The following AASDH variants were observed in gnomAD, a reference collection of about 807,000 sequenced individuals.
AASDH encodes the protein beta-alanine-activating enzyme.
AASDH carries 81 observed loss-of-function variants against 102.3 expected under a neutral mutation model. The ratio of observed to expected loss-of-function variants is 0.79; its 90% confidence interval spans 0.66 to 0.95. AASDH has a LOEUF of 0.95. Among genes scored for constraint, AASDH ranks in the 40% least tolerant of loss-of-function variants. AASDH has a pLI of 0.00. For missense variants in AASDH, 1,203 were observed against 1,266.2 expected (o/e 0.95, Z 0.76); for synonymous variants, 398 against 454.0 (o/e 0.88, Z 1.57).
At chr4:56,342,443 A>G (rs1747814860) in intron 14 of AASDH, among the ~76,000 whole-genome samples, 1 of 152,176 alleles carries the variant, frequency 6.6e-6, no homozygotes, top group Non-Finnish European at 1.5e-5. Context: ...ATCAATTAAA[A>G]GAATCCAGGG....
At chr4:56,356,811 T>A (rs370894986) in intron 5 of AASDH, 3 of 767,988 alleles carry the variant, frequency 3.9e-6, no homozygotes, top group East Asian at 5.1e-5. Flanking sequence ...CCAATTACAA[T>A]GACAGATACG....
Position 56,341,389 on chromosome 4 carries a change from C to CTTTTTT in AASDH, c.2907+1440_2907+1445dup, listed in dbSNP as rs575687659. The stretch of plus-strand genomic sequence containing the variant: ...CATGGATGGAACTGGAGACTTTTAT[C>CTTTTTT]TTTTTTTTTTTTTTTTTTTTTGGAG... On this transcript the variant is annotated intron_variant, in intron 14 of 14. Transcript: ENST00000205214. 2.6e-4 allele frequency among the ~76,000 whole-genome samples: 24 copies of CTTTTTT among 92,416 alleles called. 1 individual carries two copies. Among genetic ancestry groups the CTTTTTT allele is most frequent in the Non-Finnish European group, 4.0e-4 (20 of 49,570 alleles). The allele number at this position is 92,416 out of a possible 152,430, so 60.6% of individuals were successfully genotyped here. A position where few individuals can be genotyped will look rare whatever the true frequency, so the allele number is the denominator to read the frequency against.
intron 5 of AASDH, among the ~76,000 whole-genome samples, chr4:56,362,804 C>A (rs957397066): frequency 6.6e-6 from 1 of 152,120 alleles, no homozygotes; most frequent in African/African-American, 2.4e-5. Context: ...CAGCTCCCAG[C>A]GTGAGCGACG....
At chr4:56,359,010 T>C (rs1218759963) in intron 5 of AASDH, among the ~76,000 whole-genome samples, 3 of 152,224 alleles carry the variant, frequency 2.0e-5, no homozygotes, top group Non-Finnish European at 4.4e-5. Context: ...TGTATAACTG[T>C]TACATCTTAT....
At chr4:56,364,892 C>T (rs1161597276) in intron 5 of AASDH, among the ~76,000 whole-genome samples, 1 of 152,110 alleles carries the variant, frequency 6.6e-6, no homozygotes, top group Admixed American at 6.5e-5. Flanking sequence ...TGTAAATGGG[C>T]TAAATGCTCC....
At chr4:56,364,059 T>C (rs189357073) in intron 5 of AASDH, among the ~76,000 whole-genome samples, 2 of 152,130 alleles carry the variant, frequency 1.3e-5, no homozygotes, top group East Asian at 3.9e-4. Flanking sequence ...GCACGAGAAC[T>C]ACATGATGAA....
At position 56,349,816 on chromosome 4, in the gene AASDH, T is replaced by G. The variant is rs1748780509; in HGVS notation, c.1935A>C (p.Lys645Asn). The G allele has an allele frequency of 6.2e-7, 1 of 1,614,064 alleles. No homozygotes were observed. Among genetic ancestry groups the G allele is most frequent in the South Asian group, 1.1e-5 (1 of 91,090 alleles). Residue 645 changes from lysine to asparagine, a missense_variant, in exon 11 of 15, where the codon AAA becomes AAC. By Grantham distance (94) the Lys-to-Asn change is moderately conservative. Transcript: ENST00000205214. ...DVTFRKSCAT[K>N]RKLSDINQEE... ...CTTGATTAATGTCGCTGAGTTTCCT[T>G]TTTGTGGCACAACTCTTCCTGAATG...
chr4:56,347,235 T>G (rs895923170), intron 11 of AASDH, among the ~76,000 whole-genome samples: 5 of 152,178 alleles, frequency 3.3e-5, no homozygotes, highest in Non-Finnish European at 7.4e-5. Context: ...AAACACTTTA[T>G]CACTTTGGGA....
At chr4:56,356,813 A>T in intron 5 of AASDH, 1 of 770,184 alleles carries the variant, frequency 1.3e-6, no homozygotes, top group South Asian at 1.3e-5. Flanking sequence ...AATTACAATG[A>T]CAGATACGAT....
At chr4:56,365,909 C>A (rs1750936289) in intron 5 of AASDH, among the ~76,000 whole-genome samples, 1 of 151,938 alleles carries the variant, frequency 6.6e-6, no homozygotes, top group African/African-American at 2.4e-5. Flanking sequence ...AAAATCCCTT[C>A]AAAAAATCAA....
chr4:56,349,002 A>C (rs1748655143), intron 11 of AASDH: 1 of 497,318 alleles, frequency 2.0e-6, no homozygotes, highest in East Asian at 3.2e-5. Context: ...TTCCCATTTT[A>C]CCCACAAGGA....
At chr4:56,377,069 A>G (rs1488623435) in intron 4 of AASDH, among the ~76,000 whole-genome samples, 26 of 76,280 alleles carry the variant, frequency 3.4e-4, no homozygotes, top group Admixed American at 1.7e-3. Flanking sequence ...TCCGTCTCAA[A>G]AAAAAAAAAA....
Position 56,355,240 on chromosome 4 carries a change from C to T in AASDH, c.1045G>A (p.Val349Ile), listed in dbSNP as rs758708432. The T allele has an allele frequency of 1.9e-6, 3 of 1,613,990 alleles. No individual in the cohort carries two copies. In the South Asian group the frequency reaches 3.3e-5, roughly 18 times the overall value. The part of the protein sequence containing the change: ...QIFNVYGITE[V>I]SSWATIYRIP... Reference sequence around the variant, plus strand: ...CTATAAATGGTCGCCCAACTTGATACCTCTGTGATACCATAAACATTAAAT... The same window carrying T: ...CTATAAATGGTCGCCCAACTTGATATCTCTGTGATACCATAAACATTAAAT... Residue 349 changes from valine to isoleucine, a missense_variant, in exon 6 of 15, where the codon GTA (valine) becomes ATA (isoleucine). Coordinates refer to ENST00000205214, the MANE Select transcript of AASDH (RefSeq NM_181806.4).
At position 56,371,642 on chromosome 4, in the gene AASDH, C is replaced by A; in HGVS notation, c.670G>T (p.Val224Leu). The stretch of plus-strand genomic sequence containing the variant: ...TCTTCTTGTGTGATGTCAAAAAGTA[C>A]CCTAAGGCAAAACAGAATGCAGTTA... ...CIVPNIQHFR[V>L]LFDITQEDVL... Residue 224 changes from valine (V) to leucine (L), a missense_variant and splice_region_variant, in exon 5 of 15, where the codon GTA becomes TTA. Val to Leu is a conservative substitution (Grantham distance 32). Transcript: ENST00000205214. 1 of 1,599,848 alleles carries A rather than the reference C, an allele frequency of 6.3e-7. No individual in the cohort carries two copies. The highest frequency in any genetic ancestry group is 8.5e-7 in the Non-Finnish European group (1 of 1,176,622).
At chr4:56,354,659 C>A (rs748606641) in intron 7 of AASDH, 46 bp downstream of exon 7, 2 of 1,376,516 alleles carry the variant, frequency 1.5e-6, no homozygotes, top group Admixed American at 2.0e-5. Context: ...CACATCAGAT[C>A]ATTTTTCTTG....
chr4:56,342,305 C>G (rs1747797041), intron 14 of AASDH, among the ~76,000 whole-genome samples: 1 of 151,986 alleles, frequency 6.6e-6, no homozygotes, highest in Admixed American at 6.6e-5. Context: ...ATGAAATGAT[C>G]CCAACACATA....
chr4:56,386,284 T>A (rs1262027922), intron 1 of AASDH, among the ~76,000 whole-genome samples: 1 of 152,234 alleles, frequency 6.6e-6, no homozygotes, highest in Non-Finnish European at 1.5e-5. Flanking sequence ...AGGAATGAGT[T>A]CATTTCGCAA....
Position 56,371,460 on chromosome 4 carries a change from A to C in AASDH, c.852T>G (p.Thr284=). The C allele has an allele frequency of 6.2e-7, 1 of 1,600,894 alleles. No homozygotes were observed. Among genetic ancestry groups the C allele is most frequent in the Non-Finnish European group, 8.5e-7 (1 of 1,177,206 alleles). The change falls in exon 5 of 15, where the codon ACT becomes ACG. Residue 284 remains threonine, a synonymous_variant. Coordinates refer to ENST00000205214, the MANE Select transcript of AASDH (RefSeq NM_181806.4). ...TGCTACTAAAATGTACCTGCAAAAC[A>C]GTCACTCTATGATGGGAAAAGAGAA... ...ASVLFSHHRV[T]VLQATPTLLR...
At position 56,343,700 on chromosome 4, in the gene AASDH, CAAATT is replaced by C. The variant is rs1560564911; in HGVS notation, c.2653-21_2653-17del. 47 of 1,599,074 alleles carry C rather than the reference CAAATT, an allele frequency of 2.9e-5. No homozygotes were observed. Among genetic ancestry groups the C allele is most frequent in the Non-Finnish European group, 4.0e-5 (47 of 1,172,336 alleles). ...ACTTCTTTCTCTGCAAATAAGAAAA[CAAATT>C]AATTTGTTCTTGTTGATGGTTAACA... On this transcript the variant is annotated splice_polypyrimidine_tract_variant and intron_variant, in intron 12 of 14. Transcript: ENST00000205214.
Sources: gnomAD v4.1 joint callset for allele counts (sites outside exome capture counted in the v4.1 genomes callset) on GRCh38, gnomAD v4.1.1 for gene constraint, MANE v1.5 for transcripts, NCBI Gene and HGNC (gene_info 2026-07-23, HGNC 2026-07-21) for gene names.